SYT13: variants seen among roughly 807,000 people sequenced by gnomAD.
The protein encoded by SYT13 is synaptotagmin-13.
SYT13 carries 21 observed loss-of-function variants against 38.6 expected under a neutral mutation model. The observed-to-expected ratio is 0.54, with a 90% confidence interval of 0.39 to 0.78. The LOEUF (loss-of-function observed/expected upper bound fraction) is 0.78. Ranked by LOEUF, SYT13 falls within the 30% of genes least tolerant of loss-of-function variation. The probability of loss-of-function intolerance (pLI) is 0.00; values close to 1 mark genes in which losing one functional copy is unlikely to be tolerated. For synonymous variants in SYT13, 241 were observed against 237.6 expected, an observed-to-expected ratio of 1.01 and a Z score of -0.13; for missense variants, 495 against 548.7, an observed-to-expected ratio of 0.90 and a Z score of 0.98.
At chr11:45,275,534 C>A (rs984300532) in intron 1 of SYT13, among the ~76,000 whole-genome samples, 1 of 152,204 alleles carries the variant, frequency 6.6e-6, no homozygotes, top group Admixed American at 6.5e-5. Context: ...AAGTCTACCC[C>A]AAAACCACAA....
intron 1 of SYT13, among the ~76,000 whole-genome samples, chr11:45,280,139 T>C (rs1295822825): frequency 5.3e-5 from 8 of 152,186 alleles, no homozygotes; most frequent in Non-Finnish European, 1.2e-4. Context: ...ACTAATGAAA[T>C]GCAGCATCTG....
chr11:45,246,541 G>T, intron 4 of SYT13, 29 bp from the exon 5 acceptor site: 1 of 1,611,580 alleles, frequency 6.2e-7, no homozygotes, highest in Non-Finnish European at 8.5e-7. Flanking sequence ...TGCAGGAGGG[G>T]AGTCTCACCT....
intron 1 of SYT13, among the ~76,000 whole-genome samples, chr11:45,259,815 GT>G (rs1220691671): frequency 1.3e-5 from 2 of 152,302 alleles, no homozygotes; most frequent in African/African-American, 4.8e-5. Context: ...CAGGAAGCGG[GT>G]GGCCCTGCCT....
At chr11:45,274,842 G>A (rs1193944375) in intron 1 of SYT13, among the ~76,000 whole-genome samples, 1 of 152,118 alleles carries the variant, frequency 6.6e-6, no homozygotes, top group Non-Finnish European at 1.5e-5. Flanking sequence ...TCCAACCTGT[G>A]TGGTTTATAA....
Position 45,286,009 on chromosome 11 carries a change from C to A in SYT13, c.183+16G>T. The stretch of plus-strand genomic sequence containing the variant: ...CCGCCTTGCCCGGGAAGGGCCTGCG[C>A]GCCGCCCCCGCTCACCTGTTGTGCA... On this transcript the variant is annotated intron_variant, in intron 1 of 5. Coordinates refer to ENST00000020926, the MANE Select transcript of SYT13 (RefSeq NM_020826.3). The A allele has an allele frequency of 6.2e-7, 1 of 1,600,142 alleles. No individual in the cohort carries two copies. The highest frequency in any genetic ancestry group is 8.5e-7 in the Non-Finnish European group (1 of 1,177,870).
intron 1 of SYT13, among the ~76,000 whole-genome samples, chr11:45,276,698 G>A (rs1464356540): frequency 6.8e-6 from 1 of 147,306 alleles, no homozygotes; most frequent in Non-Finnish European, 1.5e-5. Context: ...TTTGCACCCA[G>A]TAGGATGACT....
At chr11:45,285,755 G>T (rs1016857360) in intron 1 of SYT13, 2 of 679,632 alleles carry the variant, frequency 2.9e-6, no homozygotes, top group Non-Finnish European at 5.3e-6. Flanking sequence ...CTCCCTTTAG[G>T]TCTCGCTGCT....
chr11:45,280,518 G>T lies in SYT13; in HGVS notation c.183+5507C>A, dbSNP rs532356468. Among the ~76,000 whole-genome samples, 7 of 152,282 alleles carry T rather than the reference G, an allele frequency of 4.6e-5. No individual in the cohort carries two copies. In the South Asian group the frequency reaches 1.5e-3, roughly 32 times the overall value. ...AAAACCTTACTGACGTATAACTGCA[G>T]ACAGAAAAGTACATAAATCATAAAT... On this transcript the variant is annotated intron_variant, in intron 1 of 5. Transcript: ENST00000020926.
At chr11:45,245,631 G>T (rs1266955006) in intron 5 of SYT13, among the ~76,000 whole-genome samples, 1 of 152,220 alleles carries the variant, frequency 6.6e-6, no homozygotes, top group Non-Finnish European at 1.5e-5. Context: ...TCCAGTCCAG[G>T]TATTATCTGG....
intron 1 of SYT13, among the ~76,000 whole-genome samples, chr11:45,259,548 C>A (rs1436087252): frequency 2.0e-5 from 3 of 152,110 alleles, no homozygotes; most frequent in Non-Finnish European, 4.4e-5. Context: ...TTAAAATGCA[C>A]CCCTAGAGCA....
Position 45,244,271 on chromosome 11 carries a change from G to A in SYT13, c.1062C>T (p.Pro354=), listed in dbSNP as rs1415493712. 5 of 1,613,902 alleles carry A rather than the reference G, an allele frequency of 3.1e-6. No individual in the cohort carries two copies. The highest frequency in any genetic ancestry group is 1.3e-5 in the African/African-American group (1 of 74,906). ...CAAACATGATCATCTCGTTCCACAC[G>A]GGGTTGATCTTGTGCTTAGCTCGTT... ...QTKRAKHKIN[P]VWNEMIMFEL... The change falls in exon 6 of 6, where the codon CCC becomes CCT. Residue 354 remains proline (P), a synonymous_variant. Coordinates refer to ENST00000020926, the MANE Select transcript of SYT13 (RefSeq NM_020826.3).
At chr11:45,284,579 T>C (rs1855111607) in intron 1 of SYT13, among the ~76,000 whole-genome samples, 1 of 152,056 alleles carries the variant, frequency 6.6e-6, no homozygotes, top group African/African-American at 2.4e-5. Flanking sequence ...TGGTCATCAA[T>C]AAGACAAAGA....
At chr11:45,279,605 G>A (rs1401093786) in intron 1 of SYT13, among the ~76,000 whole-genome samples, 1 of 152,102 alleles carries the variant, frequency 6.6e-6, no homozygotes, top group Non-Finnish European at 1.5e-5. Flanking sequence ...TTTTAATATG[G>A]TTAAAATGCT....
intron 4 of SYT13, 138 bp from the exon 5 acceptor site, chr11:45,246,650 G>A: frequency 1.6e-6 from 2 of 1,265,388 alleles, no homozygotes; most frequent in Non-Finnish European, 2.1e-6. Flanking sequence ...TCAATGCTGG[G>A]GTGTCCACCC....
intron 5 of SYT13, 149 bp downstream of exon 5, chr11:45,246,234 T>C: frequency 8.6e-7 from 1 of 1,167,098 alleles, no homozygotes; most frequent in Non-Finnish European, 1.2e-6. Flanking sequence ...GAACTTAGGG[T>C]GAAGAACACC....
chr11:45,279,702 TGTG>T (rs1761818598), intron 1 of SYT13, among the ~76,000 whole-genome samples: 1 of 152,198 alleles, frequency 6.6e-6, no homozygotes, highest in Non-Finnish European at 1.5e-5. Context: ...AATACTTCAT[TGTG>T]GTGGTGGTGG....
At chr11:45,261,528 G>A (rs1421856059) in intron 1 of SYT13, among the ~76,000 whole-genome samples, 1 of 152,066 alleles carries the variant, frequency 6.6e-6, no homozygotes, top group African/African-American at 2.4e-5. Context: ...AACCCAGAAG[G>A]CGGAGGTTGC....
At chr11:45,259,297 T>C (rs1854788260) in intron 1 of SYT13, among the ~76,000 whole-genome samples, 1 of 152,198 alleles carries the variant, frequency 6.6e-6, no homozygotes, top group Non-Finnish European at 1.5e-5. Context: ...GAAACATTTT[T>C]GTGTTTATAT....
At chr11:45,281,195 C>A (rs1165221585) in intron 1 of SYT13, among the ~76,000 whole-genome samples, 16 of 143,798 alleles carry the variant, frequency 1.1e-4, no homozygotes, top group African/African-American at 1.3e-4. Flanking sequence ...GACTCTGTCT[C>A]AAAAAAAAAA....
Sources: gnomAD v4.1 joint callset for allele counts (sites outside exome capture counted in the v4.1 genomes callset) on GRCh38, gnomAD v4.1.1 for gene constraint, MANE v1.5 for transcripts, NCBI Gene and HGNC (gene_info 2026-07-23, HGNC 2026-07-21) for gene names.